Variants in KLHL1 observed in about 807,000 individuals in gnomAD.
KLHL1 encodes the protein kelch-like protein 1.
KLHL1 carries 47 observed loss-of-function variants against 77.7 expected under a neutral mutation model. That is an observed-to-expected ratio of 0.60 (90% CI 0.48 to 0.77). The LOEUF (loss-of-function observed/expected upper bound fraction) is 0.77, where lower values mean the gene tolerates loss of function less well. Ranked by LOEUF, KLHL1 falls within the 30% of genes least tolerant of loss-of-function variation. The pLI is 0.00. For synonymous variants in KLHL1, 360 were observed against 325.2 expected (o/e 1.11, Z -1.15); for missense variants, 925 against 910.8 (o/e 1.02, Z -0.20).
rs111913771 is a variant in KLHL1, at chr13:69,763,515, G to A, written c.1640-22959C>T. Among the ~76,000 whole-genome samples, 48 of 152,214 alleles carry A rather than the reference G, an allele frequency of 3.2e-4. 1 individual carries two copies. The highest frequency in any genetic ancestry group is 9.4e-4 in the African/African-American group (39 of 41,548). The stretch of plus-strand genomic sequence containing the variant: ...TATGCATATGTAGAATATCAAATGC[G>A]CTCTCTTTGACTGAGATGACAAAAA... On this transcript the variant is annotated intron_variant, in intron 7 of 10. Transcript: ENST00000377844.
chr13:69,870,165 T>A, intron 5 of KLHL1, among the ~76,000 whole-genome samples: 1 of 152,182 alleles, frequency 6.6e-6, no homozygotes, highest in East Asian at 1.9e-4. Context: ...ACAAGAGGCA[T>A]GGCATGAGCA....
chr13:69,729,273 G>T (rs1247455775), intron 8 of KLHL1, among the ~76,000 whole-genome samples: 1 of 151,996 alleles, frequency 6.6e-6, no homozygotes, highest in African/African-American at 2.4e-5. Flanking sequence ...CACTAAATTT[G>T]TTATATGAAA....
At chr13:70,043,474 A>T (rs1886426046) in intron 1 of KLHL1, among the ~76,000 whole-genome samples, 1 of 152,206 alleles carries the variant, frequency 6.6e-6, no homozygotes, top group African/African-American at 2.4e-5. Flanking sequence ...ATGGTAGTGT[A>T]CAGTAATGTT....
In KLHL1 at chr13:70,064,802, G is replaced by A. The variant is rs75565434; in HGVS notation, c.497+42401C>T. ...GGACTAAAGCAGGGTGAGAGAAACT[G>A]AATACTAGAAAATATCTCCTTGGCA... is the stretch of plus-strand genomic sequence containing the variant. On this transcript the variant is annotated intron_variant, in intron 1 of 10. Transcript: ENST00000377844. Among the ~76,000 whole-genome samples the A allele has an allele frequency of 4.2e-3, 644 of 152,254 alleles. 5 individuals are homozygous for A. Among genetic ancestry groups the A allele is most frequent in the African/African-American group, 0.015 (620 of 41,566 alleles).
At chr13:69,708,275 CTG>C (rs1488701414) in intron 9 of KLHL1, among the ~76,000 whole-genome samples, 2 of 151,914 alleles carry the variant, frequency 1.3e-5, no homozygotes, top group Non-Finnish European at 2.9e-5. Context: ...GCAAAAATAA[CTG>C]TAGTGTTTTG....
intron 5 of KLHL1, among the ~76,000 whole-genome samples, chr13:69,867,080 G>A (rs1476519248): frequency 6.6e-6 from 1 of 152,012 alleles, no homozygotes; most frequent in Non-Finnish European, 1.5e-5. Flanking sequence ...TGAATTTTGG[G>A]AAAACTGTAC....
chr13:70,094,978 T>A (rs1441184956), intron 1 of KLHL1, among the ~76,000 whole-genome samples: 1 of 152,158 alleles, frequency 6.6e-6, no homozygotes, highest in Non-Finnish European at 1.5e-5. Context: ...CCAGTCCCCA[T>A]TGCTACCAAA....
intron 6 of KLHL1, among the ~76,000 whole-genome samples, chr13:69,833,120 T>G (rs1878828571): frequency 6.6e-6 from 1 of 151,974 alleles, no homozygotes; most frequent in East Asian, 1.9e-4. Context: ...TTAATTAAAC[T>G]CAATAAGTTT....
chr13:69,933,481 C>T lies in KLHL1; in HGVS notation c.1014+6559G>A, dbSNP rs559502489. ...GCTAGCTAGAAACCATGAAACATGT[C>T]GGGTATTTTAAAACCATGATCACAA... is the stretch of plus-strand genomic sequence containing the variant. On this transcript the variant is annotated intron_variant, in intron 4 of 10. Coordinates refer to ENST00000377844, the MANE Select transcript of KLHL1 (RefSeq NM_020866.3). Among the ~76,000 whole-genome samples the T allele has an allele frequency of 5.3e-5, 8 of 152,192 alleles. No individual in the cohort carries two copies. The East Asian group carries it at 1.4e-3, about 26-fold the overall frequency.
chr13:69,707,002 C>T (rs965525564), intron 10 of KLHL1, among the ~76,000 whole-genome samples: 2 of 151,934 alleles, frequency 1.3e-5, no homozygotes, highest in Admixed American at 1.3e-4. Context: ...CTAAGATAAA[C>T]CAGTCATGTT....
At chr13:69,731,210 G>A (rs9542061) in intron 8 of KLHL1, among the ~76,000 whole-genome samples, 7,989 of 152,090 alleles carry the variant, frequency 0.053, 361 homozygotes, top group African/African-American at 0.12. Context: ...ATTTTTCTAT[G>A]AATGTCATTA....
intron 4 of KLHL1, among the ~76,000 whole-genome samples, chr13:69,930,322 T>G (rs1393874480): frequency 2.0e-5 from 3 of 151,900 alleles, no homozygotes; most frequent in African/African-American, 7.2e-5. Flanking sequence ...CTAAATGTTC[T>G]AGTAAAATAA....
chr13:69,805,228 A>G (rs1188419408), intron 6 of KLHL1, among the ~76,000 whole-genome samples: 1 of 152,004 alleles, frequency 6.6e-6, no homozygotes, highest in Non-Finnish European at 1.5e-5. Flanking sequence ...CTGATAAAAT[A>G]TTAATAGAGT....
chr13:69,861,033 C>G (rs1434467374), intron 5 of KLHL1, among the ~76,000 whole-genome samples: 1 of 151,976 alleles, frequency 6.6e-6, no homozygotes, highest in Admixed American at 6.6e-5. Flanking sequence ...AATACACAGA[C>G]AACAGTGAGA....
intron 1 of KLHL1, among the ~76,000 whole-genome samples, chr13:70,016,500 C>A (rs1885661562): frequency 6.6e-6 from 1 of 152,236 alleles, no homozygotes; most frequent in South Asian, 2.1e-4. Context: ...GATTTTGGAG[C>A]AAAGTTGTGG....
intron 4 of KLHL1, among the ~76,000 whole-genome samples, chr13:69,883,000 T>C (rs1475150837): frequency 1.3e-5 from 2 of 152,196 alleles, no homozygotes; most frequent in Non-Finnish European, 2.9e-5. Context: ...TCCATCCTGC[T>C]ATTATCTCTT....
chr13:69,973,991 A>G (rs963788405), intron 2 of KLHL1, among the ~76,000 whole-genome samples: 6 of 151,888 alleles, frequency 4.0e-5, no homozygotes, highest in Admixed American at 3.3e-4. Flanking sequence ...TCTTGTTTCC[A>G]CAAGCGTCTT....
intron 1 of KLHL1, among the ~76,000 whole-genome samples, chr13:70,003,793 A>C (rs1253452950): frequency 6.6e-6 from 1 of 151,772 alleles, no homozygotes; most frequent in Admixed American, 6.6e-5. Context: ...TGAATGAGAT[A>C]ATTAGGAGTA....
intron 5 of KLHL1, among the ~76,000 whole-genome samples, chr13:69,881,220 A>C (rs923855496): frequency 1.1e-4 from 16 of 152,144 alleles, no homozygotes; most frequent in African/African-American, 3.6e-4. Context: ...TTATTTATAA[A>C]GCTTCTCTTT....
Sources: gnomAD v4.1 joint callset for allele counts (sites outside exome capture counted in the v4.1 genomes callset) on GRCh38, gnomAD v4.1.1 for gene constraint, MANE v1.5 for transcripts, NCBI Gene and HGNC (gene_info 2026-07-23, HGNC 2026-07-21) for gene names.